DPYD: variants seen among roughly 807,000 people sequenced by gnomAD.
DPYD encodes dihydropyrimidine dehydrogenase, also known as dihydropyrimidine dehydrogenase [NADP(+)].
In DPYD, 109 loss-of-function variants were observed where a neutral mutation model predicts 116.2. The ratio of observed to expected loss-of-function variants is 0.94; its 90% CI spans 0.80 to 1.10. The LOEUF (loss-of-function observed/expected upper bound fraction) is 1.10. Ranked by LOEUF, DPYD falls within the 50% of genes least tolerant of loss-of-function variation. The pLI, the probability that DPYD is intolerant of heterozygous loss-of-function variation, is 0.00. For missense variants in DPYD, 1,302 were observed against 1,254.5 expected, an observed-to-expected ratio of 1.04 and a Z score of -0.57; for synonymous variants, 440 against 432.0, an observed-to-expected ratio of 1.02 and a Z score of -0.23.
chr1:97,599,894 A>T (rs1364261889), intron 8 of DPYD, among the ~76,000 whole-genome samples: 1 of 119,996 alleles, frequency 8.3e-6, no homozygotes, highest in East Asian at 2.6e-4. Context: ...AAAAAAAAAA[A>T]AATTAGCCGG....
rs1443855623 is a variant in DPYD, at chr1:97,528,904, C to CT, written c.1525-12964dup. ...TGATTGTGTTATGCACCTGCTTAAA[C>CT]TTTTCATTAGTTTTTCATTGGATTT... On this transcript the variant is annotated intron_variant, in intron 12 of 22. Coordinates refer to ENST00000370192, the MANE Select transcript of DPYD (RefSeq NM_000110.4). Among the ~76,000 whole-genome samples the CT allele has an allele frequency of 5.9e-5, 9 of 152,196 alleles. No homozygotes were observed. The East Asian group carries it at 1.5e-3, about 26-fold the overall frequency.
intron 4 of DPYD, among the ~76,000 whole-genome samples, chr1:97,726,206 T>C (rs1018253543): frequency 1.3e-5 from 2 of 151,556 alleles, no homozygotes; most frequent in African/African-American, 4.8e-5. Flanking sequence ...CATTCATAGG[T>C]TGAATTTTTA....
At chr1:97,297,180 A>C (rs1666587196) in intron 18 of DPYD, among the ~76,000 whole-genome samples, 1 of 152,200 alleles carries the variant, frequency 6.6e-6, no homozygotes. Flanking sequence ...CACTGAATTG[A>C]ATTGAAACGT....
chr1:97,242,298 T>C lies in DPYD; in HGVS notation c.2300-7304A>G, dbSNP rs536852366. ...AGAAAACAATCTAAAGGATCATGAG[T>C]AGTTACTCTATTAAATAAATTATAG... On this transcript the variant is annotated intron_variant, in intron 18 of 22. Transcript: ENST00000370192. Among the ~76,000 whole-genome samples, 529 of 150,472 alleles carry C rather than the reference T, an allele frequency of 3.5e-3. 3 individuals are homozygous for C. Among genetic ancestry groups the C allele is most frequent in the African/African-American group, 0.012 (508 of 41,194 alleles).
chr1:97,456,957 G>A (rs1333407589), intron 13 of DPYD, among the ~76,000 whole-genome samples: 2 of 152,018 alleles, frequency 1.3e-5, no homozygotes, highest in East Asian at 1.9e-4. Context: ...CAGTGTTTTA[G>A]ACTACACTGG....
intron 8 of DPYD, among the ~76,000 whole-genome samples, chr1:97,627,562 T>C (rs1426619755): frequency 2.0e-5 from 3 of 152,098 alleles, no homozygotes; most frequent in Admixed American, 2.0e-4. Flanking sequence ...TCTTTTTCAT[T>C]TCTTGTTAAC....
chr1:97,531,786 G>T (rs369660657), intron 12 of DPYD, among the ~76,000 whole-genome samples: 1 of 151,990 alleles, frequency 6.6e-6, no homozygotes, highest in African/African-American at 2.4e-5. Context: ...AGTTTTGTCT[G>T]CTTTACTTTC....
At chr1:97,208,935 G>C (rs910514417) in intron 19 of DPYD, among the ~76,000 whole-genome samples, 2 of 152,092 alleles carry the variant, frequency 1.3e-5, no homozygotes, top group African/African-American at 4.8e-5. Flanking sequence ...TTTTGTATCT[G>C]AATGTGCAAC....
chr1:97,355,352 A>T (rs1019468681), intron 16 of DPYD, among the ~76,000 whole-genome samples: 2 of 152,188 alleles, frequency 1.3e-5, no homozygotes, highest in African/African-American at 4.8e-5. Flanking sequence ...AAATTAAATC[A>T]AGTTAATTAA....
At position 97,234,907 on chromosome 1, in the gene DPYD, A is replaced by G; in HGVS notation, c.2387T>C (p.Ile796Thr). 1.2e-6 allele frequency: 2 copies of G among 1,614,090 alleles called. No individual in the cohort carries two copies. The highest frequency in any genetic ancestry group is 1.7e-6 in the Non-Finnish European group (2 of 1,179,996). Residue 796 changes from isoleucine to threonine, a missense_variant, in exon 19 of 23, where the codon ATT (isoleucine) becomes ACT (threonine). Physicochemically the swap from Ile to Thr is moderately conservative, Grantham distance 89. Transcript: ENST00000370192. ...CTGAAGACCACTTTCAGCAGAGTCA[A>G]TTCCACCAGTAGCCAAAATGGGAAA... ...PGFPILATGG[I>T]DSAESGLQFL...
intron 20 of DPYD, among the ~76,000 whole-genome samples, chr1:97,156,263 G>A (rs546962265): frequency 6.6e-6 from 1 of 151,842 alleles, no homozygotes; most frequent in Non-Finnish European, 1.5e-5. Context: ...TAGCCTCCAG[G>A]GTTCCATTCT....
chr1:97,521,950 A>G (rs1570892466), intron 12 of DPYD, among the ~76,000 whole-genome samples: 1 of 152,232 alleles, frequency 6.6e-6, no homozygotes, highest in East Asian at 1.9e-4. Flanking sequence ...TAAAACCATA[A>G]AAACCCTAGA....
At chr1:97,229,678 T>C (rs956378057) in intron 19 of DPYD, among the ~76,000 whole-genome samples, 2 of 150,830 alleles carry the variant, frequency 1.3e-5, no homozygotes, top group Non-Finnish European at 3.0e-5. Context: ...ATGGCAGAGC[T>C]GAAAAATAAT....
At chr1:97,406,435 G>C (rs969570225) in intron 14 of DPYD, among the ~76,000 whole-genome samples, 4 of 149,890 alleles carry the variant, frequency 2.7e-5, no homozygotes, top group Non-Finnish European at 5.9e-5. Context: ...TAAGTTCTGG[G>C]GTATATGTGC....
chr1:97,806,117 C>A (rs970761172), intron 3 of DPYD, among the ~76,000 whole-genome samples: 1 of 151,800 alleles, frequency 6.6e-6, no homozygotes, highest in Admixed American at 6.6e-5. Flanking sequence ...AACACTAAAT[C>A]CAACAATTGC....
intron 8 of DPYD, among the ~76,000 whole-genome samples, chr1:97,609,707 C>A (rs1295452635): frequency 6.6e-6 from 1 of 151,842 alleles, no homozygotes; most frequent in Non-Finnish European, 1.5e-5. Context: ...TACTTTAGGG[C>A]AGCATTTAAT....
chr1:97,815,095 GA>G (rs1249580567), intron 3 of DPYD, among the ~76,000 whole-genome samples: 2 of 9,360 alleles, frequency 2.1e-4, no homozygotes, highest in Non-Finnish European at 6.0e-4. Flanking sequence ...GAAAAGAGAA[GA>G]GAAGAGAAAA....
At chr1:97,274,851 T>C (rs1185688355) in intron 18 of DPYD, among the ~76,000 whole-genome samples, 1 of 152,148 alleles carries the variant, frequency 6.6e-6, no homozygotes, top group East Asian at 1.9e-4. Flanking sequence ...GCCAGGCAAG[T>C]CTCTGATCCC....
At chr1:97,242,526 C>T (rs1210309426) in intron 18 of DPYD, among the ~76,000 whole-genome samples, 2 of 151,516 alleles carry the variant, frequency 1.3e-5, no homozygotes, top group African/African-American at 4.8e-5. Flanking sequence ...CAGGTATCAT[C>T]TCTGGGAAAG....
Sources: allele counts gnomAD v4.1 joint callset (sites outside exome capture counted in the v4.1 genomes callset), GRCh38; gene constraint gnomAD v4.1.1; transcripts MANE v1.5; gene names NCBI Gene and HGNC (gene_info 2026-07-23, HGNC 2026-07-21).